The following SEM1 variants were observed in gnomAD, a reference collection of about 807,000 sequenced individuals.
The protein encoded by SEM1 is 26S proteasome complex subunit SEM1.
In SEM1, 3 loss-of-function variants were observed where a neutral mutation model predicts 12.7. The observed-to-expected ratio is 0.24, with a 90% CI of 0.11 to 0.61. SEM1 has a LOEUF of 0.61. SEM1 is among the 20% of genes least tolerant of loss of function. The pLI is 0.88. For synonymous variants in SEM1, 30 were observed against 27.8 expected (o/e 1.08, Z -0.25); for missense variants, 59 against 81.3 (o/e 0.73, Z 1.06).
intron 2 of SEM1, among the ~76,000 whole-genome samples, chr7:96,660,087 G>T (rs1249036269): frequency 6.6e-6 from 1 of 151,966 alleles, no homozygotes; most frequent in Admixed American, 6.6e-5. Flanking sequence ...AGATAGTTGA[G>T]AATAAAAGGA....
chr7:96,610,456 A>G (rs1807506634), intron 2 of SEM1, among the ~76,000 whole-genome samples: 1 of 152,310 alleles, frequency 6.6e-6, no homozygotes, highest in Non-Finnish European at 1.5e-5. Context: ...ATCTGCTATG[A>G]AGGTGAATAA....
chr7:96,500,325 T>C (rs1190291807), upstream of SEM1, among the ~76,000 whole-genome samples: 2 of 152,004 alleles, frequency 1.3e-5, no homozygotes, highest in East Asian at 3.9e-4. Flanking sequence ...TGGGTCCTCT[T>C]TGGATATGAA....
chr7:96,518,775 A>G (rs1359498904), intron 2 of SEM1, among the ~76,000 whole-genome samples: 2 of 152,142 alleles, frequency 1.3e-5, no homozygotes, highest in African/African-American at 4.8e-5. Flanking sequence ...GTTTTATATC[A>G]TCCCCCCACT....
intron 2 of SEM1, among the ~76,000 whole-genome samples, chr7:96,521,209 A>C (rs1293968365): frequency 6.6e-6 from 1 of 152,108 alleles, no homozygotes; most frequent in Non-Finnish European, 1.5e-5. Flanking sequence ...GACCACTCAG[A>C]ACACACTCTC....
At chr7:96,698,941 ATT>A (rs1281295644) in intron 1 of SEM1, among the ~76,000 whole-genome samples, 2 of 152,078 alleles carry the variant, frequency 1.3e-5, no homozygotes, top group African/African-American at 4.8e-5. Flanking sequence ...TTAAAAATGT[ATT>A]TGTTTTTTCT....
In SEM1 at chr7:96,659,274, C is replaced by T. The variant is rs573041431; in HGVS notation, c.170+35524G>A. 7.1e-4 allele frequency among the ~76,000 whole-genome samples: 108 copies of T among 152,200 alleles called. 2 individuals carry two copies. Among genetic ancestry groups the T allele is most frequent in the South Asian group, 3.3e-3 (16 of 4,824 alleles). ...ATTTGAAAAGCAACAGGAAATAAAA[C>T]GATCCATAAATCACAGGTAGGCTCC... On this transcript the variant is annotated intron_variant, in intron 2 of 2. Coordinates refer to the SEM1 transcript ENST00000417009.
chr7:96,485,306 G>A (rs1802708128), intron 2 of SEM1, among the ~76,000 whole-genome samples: 1 of 152,034 alleles, frequency 6.6e-6, no homozygotes. Flanking sequence ...CAGTTCTGGA[G>A]GTCAGAAGCC....
chr7:96,522,821 G>A (rs888330829), intron 2 of SEM1, among the ~76,000 whole-genome samples: 1 of 149,616 alleles, frequency 6.7e-6, no homozygotes. Context: ...AACCTGGGAG[G>A]CGGAGGTTGC....
intron 2 of SEM1, among the ~76,000 whole-genome samples, chr7:96,558,826 T>G (rs1428461186): frequency 1.3e-5 from 2 of 152,214 alleles, no homozygotes; most frequent in African/African-American, 4.8e-5. Flanking sequence ...CAGGATCCAA[T>G]AAATTATTGC....
chr7:96,541,282 T>C (rs1804937385), intron 2 of SEM1, among the ~76,000 whole-genome samples: 1 of 151,828 alleles, frequency 6.6e-6, no homozygotes, highest in African/African-American at 2.4e-5. Context: ...TAATTGTCAT[T>C]CTGACTGGTG....
chr7:96,497,732 C>T (rs1425506765), upstream of SEM1, among the ~76,000 whole-genome samples: 1 of 152,132 alleles, frequency 6.6e-6, no homozygotes, highest in African/African-American at 2.4e-5. Flanking sequence ...GTAGAGAGCA[C>T]AGGACTCTCA....
chr7:96,532,405 A>C (rs1199557219), intron 2 of SEM1, among the ~76,000 whole-genome samples: 5 of 152,148 alleles, frequency 3.3e-5, no homozygotes, highest in Non-Finnish European at 4.4e-5. Context: ...ACCAGATGAC[A>C]CTTGAGGTTG....
chr7:96,509,756 C>T (rs951124323), intron 2 of SEM1, among the ~76,000 whole-genome samples: 30 of 152,060 alleles, frequency 2.0e-4, no homozygotes, highest in African/African-American at 6.8e-4. Flanking sequence ...CATGGATGGA[C>T]CTTGACAACG....
intron 1 of SEM1, among the ~76,000 whole-genome samples, chr7:96,707,146 T>C (rs2116063402): frequency 6.6e-6 from 1 of 152,328 alleles, no homozygotes. Context: ...GTTTGAGGAA[T>C]GATGAGATGC....
At chr7:96,593,392 ATACTT>A (rs1311833971) in intron 2 of SEM1, among the ~76,000 whole-genome samples, 4 of 152,180 alleles carry the variant, frequency 2.6e-5, no homozygotes, top group African/African-American at 9.7e-5. Flanking sequence ...TTTCCAGAGA[ATACTT>A]TACATATACA....
At chr7:96,536,179 A>G (rs1804780798) in intron 2 of SEM1, among the ~76,000 whole-genome samples, 2 of 151,774 alleles carry the variant, frequency 1.3e-5, no homozygotes, top group Non-Finnish European at 2.9e-5. Flanking sequence ...GACTTCCTTG[A>G]CCCATGTATT....
At chr7:96,650,037 G>A (rs1362332109) in intron 2 of SEM1, 1 of 154,912 alleles carries the variant, frequency 6.5e-6, no homozygotes. Flanking sequence ...TATTAGTAAT[G>A]TTTCCCAAAA....
chr7:96,635,013 AC>A (rs751733246), intron 2 of SEM1, among the ~76,000 whole-genome samples: 2 of 152,144 alleles, frequency 1.3e-5, no homozygotes, highest in Non-Finnish European at 2.9e-5. Flanking sequence ...GAAATGGCCA[AC>A]CCAGACAGGA....
downstream of SEM1, among the ~76,000 whole-genome samples, chr7:96,669,159 T>C (rs1789245373): frequency 6.6e-6 from 1 of 152,182 alleles, no homozygotes. Flanking sequence ...TACTTTGTTA[T>C]GGCAGCCCTA....
Sources: gnomAD v4.1 joint callset for allele counts (sites outside exome capture counted in the v4.1 genomes callset) on GRCh38, gnomAD v4.1.1 for gene constraint, MANE v1.5 for transcripts, NCBI Gene and HGNC (gene_info 2026-07-23, HGNC 2026-07-21) for gene names.